The following MACROD2 variants were observed in gnomAD, a reference collection of about 807,000 sequenced individuals.
MACROD2 encodes mono-ADP ribosylhydrolase 2.
A neutral mutation model predicts 70.4 loss-of-function variants in MACROD2; 36 were observed. The ratio of observed to expected loss-of-function variants is 0.51; its 90% confidence interval spans 0.39 to 0.68. The LOEUF is 0.68. Ranked by LOEUF, MACROD2 falls within the 30% of genes least tolerant of loss-of-function variation. The probability of loss-of-function intolerance (pLI) is 0.00; values close to 1 mark genes in which losing one functional copy is unlikely to be tolerated. For missense variants in MACROD2, 496 were observed against 538.4 expected (o/e 0.92, Z 0.78); for synonymous variants, 172 against 178.8 (o/e 0.96, Z 0.30).
At chr20:15,898,670 C>T (rs985141113) in intron 10 of MACROD2, among the ~76,000 whole-genome samples, 1 of 151,848 alleles carries the variant, frequency 6.6e-6, no homozygotes, top group African/African-American at 2.4e-5. Flanking sequence ...GATGCACGCT[C>T]AAACTTGAGA....
At chr20:14,774,337 T>C (rs2123775558) in intron 5 of MACROD2, among the ~76,000 whole-genome samples, 1 of 152,196 alleles carries the variant, frequency 6.6e-6, no homozygotes, top group South Asian at 2.1e-4. Flanking sequence ...TCCCTAACAG[T>C]CTGCTAGAAG....
At chr20:15,537,656 T>G (rs528133227) in intron 8 of MACROD2, among the ~76,000 whole-genome samples, 1 of 152,076 alleles carries the variant, frequency 6.6e-6, no homozygotes, top group East Asian at 1.9e-4. Context: ...GTATTTTTAA[T>G]AGAGACAGGG....
At chr20:14,420,664 A>G (rs531488627) in intron 3 of MACROD2, among the ~76,000 whole-genome samples, 1 of 152,108 alleles carries the variant, frequency 6.6e-6, no homozygotes, top group Non-Finnish European at 1.5e-5. Flanking sequence ...ATTTTCTCTT[A>G]TTCTGGGGTT....
chr20:14,019,909 C>T (rs1555910925), intron 2 of MACROD2, among the ~76,000 whole-genome samples: 1 of 152,114 alleles, frequency 6.6e-6, no homozygotes, highest in Non-Finnish European at 1.5e-5. Context: ...GAATTCATGC[C>T]TCTGTCATCC....
At chr20:15,200,201 T>A (rs1192897614) in intron 5 of MACROD2, among the ~76,000 whole-genome samples, 7 of 152,196 alleles carry the variant, frequency 4.6e-5, no homozygotes, top group Non-Finnish European at 1.0e-4. Flanking sequence ...GTAAAAAACT[T>A]GAGGTTTCAG....
In MACROD2 at chr20:15,936,523, G is replaced by C. The variant is rs986932053; in HGVS notation, c.839-953G>C. Reference sequence around the variant, plus strand: ...ATATATATACTCTATATATACACATGTGCACACTATAAATACTTTTTTCTA... The same window carrying C: ...ATATATATACTCTATATATACACATCTGCACACTATAAATACTTTTTTCTA... On this transcript the variant is annotated intron_variant, in intron 11 of 17. Transcript: ENST00000684519. Among the ~76,000 whole-genome samples, 3 of 148,142 alleles carry C rather than the reference G, an allele frequency of 2.0e-5. No homozygotes were observed. The Admixed American group carries it at 2.0e-4, about 10-fold the overall frequency.
At chr20:15,411,742 C>T (rs2046082062) in intron 6 of MACROD2, among the ~76,000 whole-genome samples, 1 of 152,172 alleles carries the variant, frequency 6.6e-6, no homozygotes, top group African/African-American at 2.4e-5. Context: ...AAAAGTATGA[C>T]CTACTGGGAA....
At chr20:13,999,971 G>A (rs373704271) in intron 1 of MACROD2, among the ~76,000 whole-genome samples, 7 of 152,186 alleles carry the variant, frequency 4.6e-5, no homozygotes, top group African/African-American at 1.7e-4. Context: ...CTGATATCGC[G>A]CTACTGCACT....
rs931546373 is a variant in MACROD2, at chr20:15,137,610, C to A, written c.419-92330C>A. Among the ~76,000 whole-genome samples, 9 of 149,362 alleles carry A rather than the reference C, an allele frequency of 6.0e-5. No homozygotes were observed. In the East Asian group the frequency reaches 1.2e-3, roughly 20 times the overall value. The stretch of plus-strand genomic sequence containing the variant: ...GCATTAGGAGATATACCTAATGCTA[C>A]ATGATGAGTTAATGGGTGCAGCACA... On this transcript the variant is annotated intron_variant, in intron 5 of 17. Transcript: ENST00000684519.
chr20:14,721,266 A>AG (rs1230730502), intron 5 of MACROD2, among the ~76,000 whole-genome samples: 2 of 151,738 alleles, frequency 1.3e-5, no homozygotes, highest in African/African-American at 4.8e-5. Context: ...AAAAAAAAAA[A>AG]AAAAGAAAAG....
intron 5 of MACROD2, among the ~76,000 whole-genome samples, chr20:14,927,169 G>A (rs534265643): frequency 5.3e-5 from 8 of 151,814 alleles, no homozygotes; most frequent in East Asian, 3.9e-4. Flanking sequence ...GATTGTCTTC[G>A]CTAAGAGCTT....
At chr20:15,216,420 G>C (rs1012523901) in intron 5 of MACROD2, among the ~76,000 whole-genome samples, 2 of 151,240 alleles carry the variant, frequency 1.3e-5, no homozygotes, top group South Asian at 4.2e-4. Flanking sequence ...CTGGAAAGGA[G>C]AAAAAATAAA....
intron 15 of MACROD2, among the ~76,000 whole-genome samples, chr20:16,001,389 G>A (rs771288987): frequency 6.6e-6 from 1 of 152,150 alleles, no homozygotes; most frequent in Non-Finnish European, 1.5e-5. Flanking sequence ...AAAAAGGGAG[G>A]CAAGCATTTG....
intron 4 of MACROD2, among the ~76,000 whole-genome samples, chr20:14,567,535 GC>G (rs1979891324): frequency 6.6e-6 from 1 of 152,024 alleles, no homozygotes; most frequent in Admixed American, 6.6e-5. Context: ...GAACATGCTA[GC>G]ATGGCTATAC....
chr20:16,052,541 G>A lies in MACROD2; in HGVS notation c.*2665G>A, dbSNP rs1267192778. 2 of 152,568 alleles carry A rather than the reference G, an allele frequency of 1.3e-5. No homozygotes were observed. Among genetic ancestry groups the A allele is most frequent in the East Asian group, 1.9e-4 (1 of 5,186 alleles). 9.5% of individuals were successfully genotyped at this position (152,568 alleles called of 1,614,324 possible). A position where few individuals can be genotyped will look rare whatever the true frequency, so the allele number is the denominator to read the frequency against. ...AATAGTTCTAATTAAAATGGTCCTC[G>A]CTGTAGGAGAGACAAAGGGGCTTTT... On this transcript the variant is annotated 3_prime_UTR_variant, in exon 18 of 18. Transcript: ENST00000684519.
At chr20:14,850,819 A>C (rs1015630796) in intron 5 of MACROD2, among the ~76,000 whole-genome samples, 6 of 152,212 alleles carry the variant, frequency 3.9e-5, no homozygotes, top group African/African-American at 1.4e-4. Context: ...TGTTGATATA[A>C]AAGAAGCCTC....
intron 6 of MACROD2, among the ~76,000 whole-genome samples, chr20:15,343,259 A>G (rs1164387091): frequency 6.6e-6 from 1 of 152,170 alleles, no homozygotes; most frequent in East Asian, 1.9e-4. Flanking sequence ...TTTTGTGTTC[A>G]TTTGTTGGAG....
intron 5 of MACROD2, among the ~76,000 whole-genome samples, chr20:14,862,442 T>TATATATATAAATATATATATAA (rs2073359765): frequency 3.8e-4 from 2 of 5,196 alleles, no homozygotes; most frequent in Non-Finnish European, 4.8e-4. Context: ...TATATATAAA[T>TATATATATAAATATATATATAA]ATATATATAA....
At chr20:16,011,599 G>A (rs1033775088) in intron 15 of MACROD2, among the ~76,000 whole-genome samples, 2 of 152,248 alleles carry the variant, frequency 1.3e-5, no homozygotes, top group Admixed American at 1.3e-4. Flanking sequence ...AGTTGACTGG[G>A]AGAGCCATCA....
Sources: gnomAD v4.1 joint callset for allele counts (sites outside exome capture counted in the v4.1 genomes callset) on GRCh38, gnomAD v4.1.1 for gene constraint, MANE v1.5 for transcripts, NCBI Gene and HGNC (gene_info 2026-07-23, HGNC 2026-07-21) for gene names.